Variants in ABCC2 observed in about 807,000 individuals in gnomAD.
The protein encoded by ABCC2 is ATP-binding cassette sub-family C member 2.
ABCC2 carries 157 observed loss-of-function variants against 173.4 expected under a neutral mutation model. The ratio of observed to expected loss-of-function variants is 0.91; its 90% confidence interval spans 0.80 to 1.03. The LOEUF is 1.03. Among genes scored for constraint, ABCC2 ranks in the 50% least tolerant of loss-of-function variants. The pLI is 0.00. For synonymous variants in ABCC2, 657 were observed against 693.5 expected (o/e 0.95, Z 0.83); for missense variants, 1,822 against 1,852.3 (o/e 0.98, Z 0.30).
At chr10:99,826,378 C>G (rs2038638790) in intron 19 of ABCC2, among the ~76,000 whole-genome samples, 1 of 150,898 alleles carries the variant, frequency 6.6e-6, no homozygotes, top group East Asian at 2.0e-4. Context: ...TTTTCATATG[C>G]CATCAACTCC....
At chr10:99,792,769 G>A (rs1488802897) in intron 3 of ABCC2, among the ~76,000 whole-genome samples, 4 of 152,148 alleles carry the variant, frequency 2.6e-5, no homozygotes, top group African/African-American at 9.7e-5. Context: ...AAAAACTAAT[G>A]TCTCTCTTGC....
chr10:99,804,255 C>G lies in ABCC2; in HGVS notation c.1446C>G (p.Thr482=), dbSNP rs113646094. 0.011 allele frequency: 18,420 copies of G among 1,613,976 alleles called. 151 individuals carry two copies. Among genetic ancestry groups the G allele is most frequent in the Non-Finnish European group, 0.013 (14,924 of 1,179,966 alleles). The change falls in exon 10 of 32, where the codon ACC becomes ACG. Residue 482 remains threonine (T), a synonymous_variant. Transcript: ENST00000647814. ...TCCCAATTAATGCGATACTGTCCAC[C>G]AAGAGTAAGACCATTCAGGTAAAGA... is the stretch of plus-strand genomic sequence containing the variant. ...LVIPINAILS[T]KSKTIQVKNM...
rs541923851 is a variant in ABCC2 at position 99,810,075 on chromosome 10, C to A, written c.1816-59C>A. ...CATGGACTAACGACAAAGTCAAAAT[C>A]TCTCTGCTTGTGCTCGTTACTGACT... is the stretch of plus-strand genomic sequence containing the variant. On this transcript the variant is annotated intron_variant, in intron 13 of 31. Coordinates refer to ENST00000647814, the MANE Select transcript of ABCC2 (RefSeq NM_000392.5). The A allele has an allele frequency of 7.4e-4, 1,111 of 1,507,122 alleles. 17 individuals are homozygous for A. The South Asian group carries it at 0.012, about 16-fold the overall frequency. 93.4% of individuals were successfully genotyped at this position (1,507,122 alleles called of 1,614,324 possible).
At position 99,842,083 on chromosome 10, in the gene ABCC2, A is replaced by G. The variant is rs566053264; in HGVS notation, c.3731A>G (p.Asn1244Ser). Residue 1244 changes from asparagine (N) to serine (S), a missense_variant, in exon 26 of 32, where the codon AAT (asparagine) becomes AGT (serine). Transcript: ENST00000647814. ...SGDTVGFVLS[N>S]ALNITQTLNW... ...GACACTGTTGGCTTTGTTCTGTCCA[A>G]TGCACTCAATGTGAGTTTGAAGGTT... 14 of 1,614,168 alleles carry G rather than the reference A, an allele frequency of 8.7e-6. No homozygotes were observed. The highest frequency in any genetic ancestry group is 4.0e-5 in the African/African-American group (3 of 75,028).
intron 7 of ABCC2, among the ~76,000 whole-genome samples, chr10:99,798,519 CA>C (rs1564674031): frequency 6.6e-6 from 1 of 152,172 alleles, no homozygotes; most frequent in Non-Finnish European, 1.5e-5. Flanking sequence ...GTCAAGATAT[CA>C]GACTCGCTCC....
In ABCC2 at chr10:99,814,165, A is replaced by G. The variant is rs1329563782; in HGVS notation, c.2094+1021A>G. Among the ~76,000 whole-genome samples, 55 of 87,706 alleles carry G rather than the reference A, an allele frequency of 6.3e-4. 3 individuals carry two copies. Among genetic ancestry groups the G allele is most frequent in the African/African-American group, 1.5e-3 (33 of 21,726 alleles). 57.5% of individuals were successfully genotyped at this position (87,706 alleles called of 152,430 possible). The stretch of plus-strand genomic sequence containing the variant: ...TACACACATGTATGTATACACACGT[A>G]TATATACACACATGTATGTATACAC... On this transcript the variant is annotated intron_variant, in intron 16 of 31. Coordinates refer to ENST00000647814, the MANE Select transcript of ABCC2 (RefSeq NM_000392.5).
chr10:99,815,177 A>AT (rs1380881927), intron 16 of ABCC2, among the ~76,000 whole-genome samples: 6 of 151,892 alleles, frequency 4.0e-5, no homozygotes, highest in Admixed American at 2.0e-4. Flanking sequence ...ACTCCCAGTT[A>AT]TAAGTGAGAA....
intron 3 of ABCC2, among the ~76,000 whole-genome samples, chr10:99,793,011 T>C (rs2037834596): frequency 6.6e-6 from 1 of 151,824 alleles, no homozygotes; most frequent in African/African-American, 2.4e-5. Flanking sequence ...CCTGGGCAAA[T>C]GTTATAAATC....
At chr10:99,819,847 A>G (rs1311031010) in intron 19 of ABCC2, among the ~76,000 whole-genome samples, 1 of 152,224 alleles carries the variant, frequency 6.6e-6, no homozygotes, top group Non-Finnish European at 1.5e-5. Flanking sequence ...CATTGGGTTC[A>G]CCAGTTAGCC....
Position 99,794,430 on chromosome 10 carries a change from T to C in ABCC2, c.594T>C (p.Ala198=), listed in dbSNP as rs2037861405. 6.2e-7 allele frequency: 1 copy of C among 1,614,068 alleles called. No homozygotes were observed. The highest frequency in any genetic ancestry group is 1.3e-5 in the African/African-American group (1 of 75,046). The change falls in exon 6 of 32, where the codon GCT becomes GCC. Residue 198 remains alanine (A), a synonymous_variant. Transcript: ENST00000647814. The part of the protein sequence containing the change: ...NESSNNPSSI[A]SFLSSITYSW... The stretch of plus-strand genomic sequence containing the variant: ...TCTTTCAGAATCCATCATCCATAGC[T>C]TCATTCCTGAGTAGCATTACCTACA...
chr10:99,814,629 A>ACATGTGTG, intron 16 of ABCC2, among the ~76,000 whole-genome samples: 1 of 86,022 alleles, frequency 1.2e-5, no homozygotes, highest in African/African-American at 5.6e-5. Flanking sequence ...ATATACACAC[A>ACATGTGTG]TATGTGTATA....
Position 99,782,895 on chromosome 10 carries a change from T to C in ABCC2, c.33+18T>C. On this transcript the variant is annotated intron_variant, in intron 1 of 31. Transcript: ENST00000647814. ...CTTTTTGGGTGAGAAATTACATTTATCTTCATATTGACTCTTCTCAGACTC... is the reference window on the plus strand; with the variant it reads ...CTTTTTGGGTGAGAAATTACATTTACCTTCATATTGACTCTTCTCAGACTC... The C allele has an allele frequency of 1.2e-6, 2 of 1,613,496 alleles. No individual in the cohort carries two copies. Among genetic ancestry groups the C allele is most frequent in the Non-Finnish European group, 1.7e-6 (2 of 1,179,680 alleles).
chr10:99,789,634 G>A (rs1051800494), intron 2 of ABCC2, among the ~76,000 whole-genome samples: 9 of 145,684 alleles, frequency 6.2e-5, no homozygotes, highest in African/African-American at 2.0e-4. Flanking sequence ...AGAATCACTT[G>A]AACCTGGGAG....
chr10:99,787,333 C>T (rs2037731677), intron 2 of ABCC2, among the ~76,000 whole-genome samples: 1 of 152,206 alleles, frequency 6.6e-6, no homozygotes, highest in South Asian at 2.1e-4. Context: ...CTAGACATTT[C>T]ATATGAATGG....
At chr10:99,809,241 T>C (rs1025428403) in intron 13 of ABCC2, among the ~76,000 whole-genome samples, 12 of 152,144 alleles carry the variant, frequency 7.9e-5, no homozygotes, top group African/African-American at 2.7e-4. Flanking sequence ...TAGTCCCAGC[T>C]ACTCGAGAGG....
chr10:99,803,341 G>T (rs2133014061), intron 9 of ABCC2, among the ~76,000 whole-genome samples: 1 of 152,270 alleles, frequency 6.6e-6, no homozygotes, highest in Non-Finnish European at 1.5e-5. Context: ...TGTCCTTCTT[G>T]GGAATGATTG....
chr10:99,851,767 C>A lies in ABCC2; in HGVS notation c.*136C>A. On this transcript the variant is annotated 3_prime_UTR_variant, in exon 32 of 32. Coordinates refer to ENST00000647814, the MANE Select transcript of ABCC2 (RefSeq NM_000392.5). The stretch of plus-strand genomic sequence containing the variant: ...AAAAGGATAAGTGAACACCCATGAA[C>A]CTACTACCCAGGTTAAGAAAATAAA... 2 of 852,656 alleles carry A rather than the reference C, an allele frequency of 2.3e-6. No homozygotes were observed. Among genetic ancestry groups the A allele is most frequent in the Non-Finnish European group, 3.5e-6 (2 of 573,416 alleles). 52.8% of individuals were successfully genotyped at this position (852,656 alleles called of 1,614,324 possible).
At position 99,788,223 on chromosome 10, in the gene ABCC2, A is replaced by G. The variant is rs1014263277; in HGVS notation, c.207+3442A>G. Among the ~76,000 whole-genome samples the G allele has an allele frequency of 2.0e-4, 30 of 152,296 alleles. 1 individual carries two copies. In the South Asian group the frequency reaches 5.0e-3, roughly 25 times the overall value. On this transcript the variant is annotated intron_variant, in intron 2 of 31. Transcript: ENST00000647814. ...TACGTACATATATTTTTTCACACAA[A>G]TGCTAGCGTCCCATATGTGCTTTTC...
chr10:99,830,604 C>G, intron 20 of ABCC2, 112 bp from the exon 21 acceptor site: 1 of 1,577,094 alleles, frequency 6.3e-7, no homozygotes, highest in Non-Finnish European at 8.7e-7. Context: ...TCAGTTTCCC[C>G]TGGTCATCTG....
Sources: gnomAD v4.1 joint callset for allele counts (sites outside exome capture counted in the v4.1 genomes callset) on GRCh38, gnomAD v4.1.1 for gene constraint, MANE v1.5 for transcripts, NCBI Gene and HGNC (gene_info 2026-07-23, HGNC 2026-07-21) for gene names.